Variants in CDC14A observed in about 807,000 individuals in gnomAD.
CDC14A encodes the protein dual specificity protein phosphatase CDC14A.
A neutral mutation model predicts 74.4 loss-of-function variants in CDC14A; 53 were observed. The observed-to-expected ratio is 0.71, with a 90% CI of 0.57 to 0.89. CDC14A has a LOEUF of 0.89. Ranked by LOEUF, CDC14A falls within the 40% of genes least tolerant of loss-of-function variation. The pLI is 0.00. For synonymous variants in CDC14A, 247 were observed against 258.4 expected (o/e 0.96, Z 0.43); for missense variants, 646 against 713.7 (o/e 0.91, Z 1.08).
chr1:100,439,977 C>G lies in CDC14A; in HGVS notation c.435C>G (p.Asp145Glu), dbSNP rs193195828. 4 of 1,613,084 alleles carry G rather than the reference C, an allele frequency of 2.5e-6. No individual in the cohort carries two copies. Among genetic ancestry groups the G allele is most frequent in the Non-Finnish European group, 3.4e-6 (4 of 1,179,138 alleles). ...GNCTYNLTIL[D>E]CLQGIRKGLQ... ...GCACTTACAATCTCACCATTCTCGA[C>G]TGTTTGCAGGGAATCAGAAAGGTAA... Residue 145 changes from aspartate (D) to glutamate (E), a missense_variant, in exon 6 of 16, where the codon GAC (aspartate) becomes GAG (glutamate). Physicochemically the swap from Asp to Glu is conservative, Grantham distance 45. Transcript: ENST00000336454.
At chr1:100,422,130 A>G (rs1265087799) in intron 4 of CDC14A, among the ~76,000 whole-genome samples, 1 of 152,152 alleles carries the variant, frequency 6.6e-6, no homozygotes, top group Middle Eastern at 3.2e-3. Context: ...GAGCACTGGG[A>G]TAAAAATAAA....
At chr1:100,374,268 G>A (rs1279007546) in intron 2 of CDC14A, among the ~76,000 whole-genome samples, 8 of 152,088 alleles carry the variant, frequency 5.3e-5, no homozygotes, top group South Asian at 2.1e-4. Flanking sequence ...ATAAACGTAC[G>A]TGTGCATGTG....
chr1:100,394,137 C>CT (rs1658137067), intron 4 of CDC14A: 1 of 174,100 alleles, frequency 5.7e-6, no homozygotes, highest in Non-Finnish European at 1.2e-5. Context: ...TTTATTGAGA[C>CT]TGAGTCTTGC....
chr1:100,467,898 T>G, intron 9 of CDC14A, 58 bp from the exon 10 acceptor site: 1 of 1,490,858 alleles, frequency 6.7e-7, no homozygotes, highest in South Asian at 1.4e-5. Flanking sequence ...GATTTCAGTG[T>G]TTTTGTGGTA....
At chr1:100,481,917 C>T (rs1644378586) in intron 10 of CDC14A, among the ~76,000 whole-genome samples, 1 of 152,090 alleles carries the variant, frequency 6.6e-6, no homozygotes, top group African/African-American at 2.4e-5. Flanking sequence ...TAATAGACAC[C>T]ACAATAAAAG....
At chr1:100,462,931 C>T (rs201982798) in intron 9 of CDC14A, 50 bp downstream of exon 9, 3 of 1,388,588 alleles carry the variant, frequency 2.2e-6, no homozygotes, top group South Asian at 1.2e-5. Context: ...AAGGGGCGGG[C>T]CAAGGAAGAG....
chr1:100,485,134 A>T (rs1669899423), intron 11 of CDC14A: 1 of 985,310 alleles, frequency 1.0e-6, no homozygotes, highest in East Asian at 1.1e-4. Flanking sequence ...AAGAATTAGG[A>T]TTATGAGCAT....
intron 5 of CDC14A, among the ~76,000 whole-genome samples, chr1:100,438,438 TG>T (rs1399958229): frequency 1.3e-5 from 2 of 152,204 alleles, no homozygotes; most frequent in Non-Finnish European, 2.9e-5. Flanking sequence ...AATTTATGGT[TG>T]TTTATATAAA....
chr1:100,406,301 T>G (rs1378890906), intron 4 of CDC14A, among the ~76,000 whole-genome samples: 2 of 152,354 alleles, frequency 1.3e-5, no homozygotes, highest in Non-Finnish European at 2.9e-5. Context: ...ATAGATAGAT[T>G]GCAAACATTT....
intron 10 of CDC14A, among the ~76,000 whole-genome samples, chr1:100,484,047 G>C (rs1669786721): frequency 6.6e-6 from 1 of 152,080 alleles, no homozygotes; most frequent in South Asian, 2.1e-4. Context: ...GAGGACTTCA[G>C]CAGTCAACTA....
At chr1:100,441,784 C>T (rs370202355) in intron 6 of CDC14A, among the ~76,000 whole-genome samples, 26 of 151,970 alleles carry the variant, frequency 1.7e-4, no homozygotes, top group Admixed American at 9.8e-4. Flanking sequence ...AAATGGTGAT[C>T]CTGGGCCCCA....
At chr1:100,423,953 G>A (rs913073895) in intron 4 of CDC14A, 3 of 380,708 alleles carry the variant, frequency 7.9e-6, no homozygotes, top group African/African-American at 6.1e-5. Context: ...CGCTGCCATT[G>A]TGTCTGTTCA....
chr1:100,477,638 GACTA>G (rs1218365346), intron 10 of CDC14A, among the ~76,000 whole-genome samples: 3 of 152,080 alleles, frequency 2.0e-5, no homozygotes, highest in Admixed American at 6.6e-5. Context: ...AGGCTTTGAA[GACTA>G]ACTAATGATC....
At chr1:100,359,323 A>T (rs1476069327) in intron 2 of CDC14A, among the ~76,000 whole-genome samples, 2 of 152,224 alleles carry the variant, frequency 1.3e-5, no homozygotes, top group African/African-American at 2.4e-5. Flanking sequence ...AGAGGGAAGT[A>T]TATTGCCTAA....
intron 2 of CDC14A, among the ~76,000 whole-genome samples, chr1:100,367,457 A>G (rs1653788783): frequency 6.6e-6 from 1 of 152,232 alleles, no homozygotes; most frequent in East Asian, 1.9e-4. Flanking sequence ...ATAACCCAGC[A>G]TGGTGTGAAC....
At chr1:100,495,892 T>C (rs985131680) in intron 12 of CDC14A, 110 bp from the exon 13 acceptor site, 2 of 876,194 alleles carry the variant, frequency 2.3e-6, no homozygotes, top group Non-Finnish European at 3.7e-6. Flanking sequence ...GGTTTCTCCC[T>C]TTTGCTAATT....
At chr1:100,398,195 G>A (rs1205272172) in intron 4 of CDC14A, among the ~76,000 whole-genome samples, 1 of 152,188 alleles carries the variant, frequency 6.6e-6, no homozygotes, top group East Asian at 1.9e-4. Context: ...GTCTGACGTT[G>A]TATGCACTTA....
chr1:100,389,184 A>C (rs74678333), intron 3 of CDC14A, among the ~76,000 whole-genome samples: 1 of 149,462 alleles, frequency 6.7e-6, no homozygotes, highest in African/African-American at 2.5e-5. Context: ...CTGTCTCAAA[A>C]AAAAAAAAAA....
intron 5 of CDC14A, 151 bp downstream of exon 5, chr1:100,424,452 A>G: frequency 1.6e-6 from 1 of 629,488 alleles, no homozygotes; most frequent in South Asian, 2.0e-5. Flanking sequence ...TTCATTTCGT[A>G]GAGTTTTATC....
Sources: allele counts gnomAD v4.1 joint callset (sites outside exome capture counted in the v4.1 genomes callset), GRCh38; gene constraint gnomAD v4.1.1; transcripts MANE v1.5; gene names NCBI Gene and HGNC (gene_info 2026-07-23, HGNC 2026-07-21).